Variants in SNTB1 observed in about 807,000 individuals in gnomAD.
SNTB1 encodes the protein beta-1-syntrophin.
SNTB1 carries 36 observed loss-of-function variants against 48.9 expected under a neutral mutation model. The observed-to-expected ratio is 0.74, with a 90% CI of 0.56 to 0.97. The LOEUF is 0.97. SNTB1 is among the 50% of genes least tolerant of loss of function. The pLI is 0.00. For missense variants in SNTB1, 786 were observed against 703.4 expected (o/e 1.12, Z -1.33); for synonymous variants, 299 against 294.6 (o/e 1.01, Z -0.15).
intron 1 of SNTB1, among the ~76,000 whole-genome samples, chr8:120,695,958 A>G (rs906273599): frequency 6.6e-6 from 1 of 152,206 alleles, no homozygotes; most frequent in Non-Finnish European, 1.5e-5. Context: ...ATTTCTGGGC[A>G]AAATATTTAA....
rs577774512 is a variant in SNTB1, at chr8:120,791,457, T to G, written c.571+19816A>C. Among the ~76,000 whole-genome samples, 9 of 152,096 alleles carry G rather than the reference T, an allele frequency of 5.9e-5. No individual in the cohort carries two copies. The South Asian group carries it at 1.9e-3, about 32-fold the overall frequency. ...CCAAGTAAATGAGACCTAATTCAACTGAAAAGCTTCTGCACAGCAAAAGAA... is the reference window on the plus strand; with the variant it reads ...CCAAGTAAATGAGACCTAATTCAACGGAAAAGCTTCTGCACAGCAAAAGAA... On this transcript the variant is annotated intron_variant, in intron 1 of 6. Coordinates refer to ENST00000517992, the MANE Select transcript of SNTB1 (RefSeq NM_021021.4).
intron 3 of SNTB1, among the ~76,000 whole-genome samples, chr8:120,597,087 T>G (rs1193321903): frequency 1.3e-5 from 2 of 152,162 alleles, no homozygotes; most frequent in African/African-American, 4.8e-5. Flanking sequence ...TCACAAGCCC[T>G]AAATGCAATC....
intron 1 of SNTB1, among the ~76,000 whole-genome samples, chr8:120,789,974 A>T (rs540545530): frequency 2.8e-4 from 42 of 152,214 alleles, no homozygotes; most frequent in Non-Finnish European, 4.6e-4. Context: ...ATGAATATAG[A>T]TACAAAAATC....
At chr8:120,795,090 C>T in intron 1 of SNTB1, among the ~76,000 whole-genome samples, 1 of 151,842 alleles carries the variant, frequency 6.6e-6, no homozygotes, top group East Asian at 1.9e-4. Flanking sequence ...TAAGTATGTC[C>T]CATGCAATAT....
chr8:120,653,165 G>A (rs1414678979), intron 2 of SNTB1, among the ~76,000 whole-genome samples: 2 of 152,158 alleles, frequency 1.3e-5, no homozygotes, highest in African/African-American at 4.8e-5. Flanking sequence ...CTCAGGATGT[G>A]ACTTTATTTG....
At chr8:120,551,967 C>T (rs1039267332) in intron 4 of SNTB1, among the ~76,000 whole-genome samples, 2 of 152,098 alleles carry the variant, frequency 1.3e-5, no homozygotes, top group Non-Finnish European at 2.9e-5. Flanking sequence ...AACTGGTTCC[C>T]TTCCTCCTTC....
chr8:120,808,617 T>A (rs72682563), intron 1 of SNTB1, among the ~76,000 whole-genome samples: 34,951 of 152,160 alleles, frequency 0.23, 4,331 homozygotes, highest in Middle Eastern at 0.32. Context: ...ACAGCAGCCC[T>A]GTAAAGTAAG....
intron 5 of SNTB1, among the ~76,000 whole-genome samples, chr8:120,546,653 A>G (rs1322499317): frequency 3.9e-5 from 6 of 152,014 alleles, no homozygotes; most frequent in Non-Finnish European, 8.8e-5. Context: ...TATTTTTAGT[A>G]GAGACGGGGT....
In SNTB1 at chr8:120,571,442, T is replaced by C. The variant is rs1368497469; in HGVS notation, c.1136+3644A>G. 5 of 696,264 alleles carry C rather than the reference T, an allele frequency of 7.2e-6. No homozygotes were observed. In the African/African-American group the frequency reaches 9.3e-5, roughly 13 times the overall value. 43.1% of individuals were successfully genotyped at this position (696,264 alleles called of 1,614,324 possible). ...CCCCAAGGCACAGCCTGAGTCTTTG[T>C]GTGCAGTTAAGGATGTTTACATTCT... is the stretch of plus-strand genomic sequence containing the variant. On this transcript the variant is annotated intron_variant, in intron 4 of 6. Transcript: ENST00000517992.
At chr8:120,641,453 G>T (rs1817195645) in intron 2 of SNTB1, among the ~76,000 whole-genome samples, 1 of 152,062 alleles carries the variant, frequency 6.6e-6, no homozygotes. Flanking sequence ...CACTCCACAG[G>T]TATTACACAA....
At chr8:120,736,165 G>A (rs4132498) in intron 1 of SNTB1, among the ~76,000 whole-genome samples, 2 of 152,110 alleles carry the variant, frequency 1.3e-5, no homozygotes, top group African/African-American at 4.8e-5. Context: ...CAGATCTTAT[G>A]AGAACTCACT....
chr8:120,808,375 C>T (rs1820370684), intron 1 of SNTB1, among the ~76,000 whole-genome samples: 2 of 152,154 alleles, frequency 1.3e-5, no homozygotes, highest in Non-Finnish European at 2.9e-5. Context: ...TTATGATTCT[C>T]TTTCTCCAGG....
intron 1 of SNTB1, among the ~76,000 whole-genome samples, chr8:120,743,909 G>A (rs1402254355): frequency 6.6e-6 from 1 of 152,190 alleles, no homozygotes; most frequent in Non-Finnish European, 1.5e-5. Context: ...CAGGAGGATC[G>A]CTTGAAGCCA....
intron 3 of SNTB1, among the ~76,000 whole-genome samples, chr8:120,627,112 C>G (rs1185851709): frequency 6.6e-6 from 1 of 152,114 alleles, no homozygotes; most frequent in East Asian, 1.9e-4. Flanking sequence ...GCCAATCACC[C>G]ATAGATTTTG....
chr8:120,705,044 G>T (rs182680336), intron 1 of SNTB1, among the ~76,000 whole-genome samples: 1 of 152,292 alleles, frequency 6.6e-6, no homozygotes, highest in African/African-American at 2.4e-5. Context: ...TCCTCGATCA[G>T]CCTATACCTG....
chr8:120,778,379 CA>C (rs1448769138), intron 1 of SNTB1, among the ~76,000 whole-genome samples: 2 of 152,060 alleles, frequency 1.3e-5, no homozygotes, highest in African/African-American at 4.8e-5. Context: ...CTTTAGTCAC[CA>C]AAAAAGGTGG....
At chr8:120,597,504 T>G (rs1816345199) in intron 3 of SNTB1, among the ~76,000 whole-genome samples, 2 of 152,248 alleles carry the variant, frequency 1.3e-5, no homozygotes, top group South Asian at 4.1e-4. Context: ...GAATTGGCAT[T>G]TTCATAGGAC....
intron 3 of SNTB1, among the ~76,000 whole-genome samples, chr8:120,584,666 C>T (rs1816108975): frequency 6.6e-6 from 1 of 151,900 alleles, no homozygotes; most frequent in Non-Finnish European, 1.5e-5. Flanking sequence ...ACTGTGTTCC[C>T]CCAAATTCAT....
intron 3 of SNTB1, among the ~76,000 whole-genome samples, chr8:120,629,514 T>C (rs187588649): frequency 1.3e-5 from 2 of 152,298 alleles, no homozygotes; most frequent in Admixed American, 1.3e-4. Context: ...AGGGTCACAT[T>C]TTATGTCTTT....
Sources: allele counts gnomAD v4.1 joint callset (sites outside exome capture counted in the v4.1 genomes callset), GRCh38; gene constraint gnomAD v4.1.1; transcripts MANE v1.5; gene names NCBI Gene and HGNC (gene_info 2026-07-23, HGNC 2026-07-21).